The following NCOA2 variants were observed in gnomAD, a reference collection of about 807,000 sequenced individuals.
NCOA2 encodes the protein nuclear receptor coactivator 2.
Under a neutral mutation model 145.1 loss-of-function variants are expected in NCOA2, and 21 were observed. The ratio of observed to expected loss-of-function variants is 0.14; its 90% confidence interval spans 0.10 to 0.21. The LOEUF is 0.21. Among genes scored for constraint, NCOA2 ranks in the 10% least tolerant of loss-of-function variants. The pLI is 1.00. For missense variants in NCOA2, 1,472 were observed against 1,837.6 expected, an observed-to-expected ratio of 0.80 and a Z score of 3.64; for synonymous variants, 619 against 637.5, an observed-to-expected ratio of 0.97 and a Z score of 0.44.
chr8:70,191,441 T>C (rs1428948510), intron 4 of NCOA2, among the ~76,000 whole-genome samples: 1 of 152,184 alleles, frequency 6.6e-6, no homozygotes, highest in Non-Finnish European at 1.5e-5. Context: ...GCTGCACACA[T>C]AGCCTCACCC....
chr8:70,175,754 T>C (rs1368072951), intron 4 of NCOA2, among the ~76,000 whole-genome samples: 2 of 152,248 alleles, frequency 1.3e-5, no homozygotes, highest in Non-Finnish European at 2.9e-5. Context: ...TTATTTGTAC[T>C]TGAATAAATT....
At chr8:70,281,346 A>C in intron 2 of NCOA2, among the ~76,000 whole-genome samples, 1 of 122,252 alleles carries the variant, frequency 8.2e-6, no homozygotes, top group Non-Finnish European at 1.6e-5. Flanking sequence ...ACAGAGCGAG[A>C]CCCTGTCTCA....
chr8:70,364,735 A>G (rs1407865539), intron 1 of NCOA2, among the ~76,000 whole-genome samples: 1 of 147,362 alleles, frequency 6.8e-6, no homozygotes, highest in Non-Finnish European at 1.5e-5. Flanking sequence ...TCCATCTCCC[A>G]ATACTTAAAA....
At chr8:70,258,560 C>G (rs1214560409) in intron 2 of NCOA2, among the ~76,000 whole-genome samples, 1 of 152,018 alleles carries the variant, frequency 6.6e-6, no homozygotes, top group East Asian at 1.9e-4. Context: ...TTCTCTCAAT[C>G]TTCAAATCCA....
At chr8:70,396,129 A>C (rs1371496397) in intron 1 of NCOA2, among the ~76,000 whole-genome samples, 1 of 152,252 alleles carries the variant, frequency 6.6e-6, no homozygotes, top group Admixed American at 6.5e-5. Flanking sequence ...ACATGATTAC[A>C]AAACATCTGC....
intron 1 of NCOA2, among the ~76,000 whole-genome samples, chr8:70,311,875 G>A (rs1805151681): frequency 4.6e-5 from 7 of 152,164 alleles, no homozygotes; most frequent in Admixed American, 3.3e-4. Context: ...AAGGTTTTAA[G>A]GCATCCACAT....
At chr8:70,151,158 T>C (rs926278100) in intron 11 of NCOA2, among the ~76,000 whole-genome samples, 1 of 152,156 alleles carries the variant, frequency 6.6e-6, no homozygotes, top group Non-Finnish European at 1.5e-5. Flanking sequence ...CCAAAATAAA[T>C]AGGTCCATGT....
upstream of NCOA2, among the ~76,000 whole-genome samples, chr8:70,407,598 C>A (rs1412378733): frequency 6.6e-6 from 1 of 151,516 alleles, no homozygotes; most frequent in African/African-American, 2.4e-5. Flanking sequence ...ACCATCCTGG[C>A]CAACATGGTG....
chr8:70,270,444 C>T lies in NCOA2; in HGVS notation c.-20+26300G>A, dbSNP rs1824955339. ...CTAAGAAATAAAGATGATAATGCTA[C>T]CATTATCTGGCATGCAACTGACGGC... On this transcript the variant is annotated intron_variant, in intron 2 of 22. Coordinates refer to ENST00000452400, the MANE Select transcript of NCOA2 (RefSeq NM_006540.4). Among the ~76,000 whole-genome samples the T allele has an allele frequency of 3.3e-5, 5 of 152,176 alleles. No individual in the cohort carries two copies. The South Asian group carries it at 1.0e-3, about 32-fold the overall frequency.
chr8:70,193,182 A>T (rs1816879839), intron 4 of NCOA2, among the ~76,000 whole-genome samples: 1 of 152,090 alleles, frequency 6.6e-6, no homozygotes, highest in Admixed American at 6.5e-5. Context: ...AGAACTATCT[A>T]TCATTACACC....
chr8:70,353,147 A>G (rs1329204120), intron 1 of NCOA2, among the ~76,000 whole-genome samples: 1 of 152,156 alleles, frequency 6.6e-6, no homozygotes, highest in South Asian at 2.1e-4. Context: ...AATCTAGCTT[A>G]AAGTCATAGC....
At chr8:70,317,329 C>T (rs1805671632) in intron 1 of NCOA2, among the ~76,000 whole-genome samples, 1 of 152,046 alleles carries the variant, frequency 6.6e-6, no homozygotes, top group Admixed American at 6.6e-5. Flanking sequence ...ATTAACCAGA[C>T]ATGAAAAAAT....
intron 11 of NCOA2, among the ~76,000 whole-genome samples, chr8:70,150,280 A>C (rs1405513023): frequency 6.6e-6 from 1 of 152,208 alleles, no homozygotes; most frequent in African/African-American, 2.4e-5. Flanking sequence ...TAGCATCCTA[A>C]AGTACCAACA....
chr8:70,277,908 A>G (rs929930036), intron 2 of NCOA2, among the ~76,000 whole-genome samples: 4 of 152,232 alleles, frequency 2.6e-5, no homozygotes, highest in Admixed American at 6.5e-5. Context: ...TTAATGATAT[A>G]TAATTTACAT....
chr8:70,454,164 T>C, the NCOA2 span, among the ~76,000 whole-genome samples: 1 of 152,238 alleles, frequency 6.6e-6, no homozygotes, highest in African/African-American at 2.4e-5. Flanking sequence ...TTGGATAGCC[T>C]CTTAGCATTT....
chr8:70,316,799 C>A (rs1805617146), intron 1 of NCOA2, among the ~76,000 whole-genome samples: 1 of 152,170 alleles, frequency 6.6e-6, no homozygotes, highest in Non-Finnish European at 1.5e-5. Flanking sequence ...CCAATCAAAT[C>A]TATAACTAAA....
chr8:70,217,258 T>C (rs1194233195), intron 2 of NCOA2, among the ~76,000 whole-genome samples: 1 of 152,142 alleles, frequency 6.6e-6, no homozygotes, highest in African/African-American at 2.4e-5. Context: ...GTTTTCAAAT[T>C]TAACTAGGTA....
chr8:70,246,015 A>C (rs1402170754), intron 2 of NCOA2, among the ~76,000 whole-genome samples: 1 of 152,166 alleles, frequency 6.6e-6, no homozygotes, highest in Admixed American at 6.6e-5. Context: ...ATTTGTCCCA[A>C]GAAGAAAAAT....
At chr8:70,323,419 G>A (rs938966526) in intron 1 of NCOA2, among the ~76,000 whole-genome samples, 1 of 152,150 alleles carries the variant, frequency 6.6e-6, no homozygotes, top group African/African-American at 2.4e-5. Flanking sequence ...GCAACAGCGA[G>A]AAAGCACACG....
Sources: allele counts gnomAD v4.1 joint callset (sites outside exome capture counted in the v4.1 genomes callset), GRCh38; gene constraint gnomAD v4.1.1; transcripts MANE v1.5; gene names NCBI Gene and HGNC (gene_info 2026-07-23, HGNC 2026-07-21).